Variants in GABRR1 observed in about 807,000 individuals in gnomAD.
The protein encoded by GABRR1 is gamma-aminobutyric acid type A receptor subunit rho1.
Under a neutral mutation model 55.5 loss-of-function variants are expected in GABRR1, and 59 were observed. The observed-to-expected ratio is 1.06, with a 90% confidence interval of 0.86 to 1.32. GABRR1 has a LOEUF of 1.32. Among genes scored for constraint, GABRR1 ranks in the 40% most tolerant of loss-of-function variants. The pLI, the probability that GABRR1 is intolerant of heterozygous loss-of-function variation, is 0.00. For missense variants in GABRR1, 602 were observed against 619.1 expected, an observed-to-expected ratio of 0.97 and a Z score of 0.29; for synonymous variants, 213 against 226.0, an observed-to-expected ratio of 0.94 and a Z score of 0.51.
At chr6:89,181,806 G>T in intron 8 of GABRR1, 99 bp downstream of exon 8, 1 of 1,207,140 alleles carries the variant, frequency 8.3e-7, no homozygotes, top group Non-Finnish European at 1.2e-6. Flanking sequence ...ACGCCAAAAG[G>T]GATACAGAAT....
In GABRR1 at chr6:89,191,615, G is replaced by A. The variant is rs1056391077; in HGVS notation, c.573-1368C>T. Reference sequence around the variant, plus strand: ...TCTCTCCATATAACTTACACATAAAGCAACCATTTGTGATGTAATCAAAGC... The same window carrying A: ...TCTCTCCATATAACTTACACATAAAACAACCATTTGTGATGTAATCAAAGC... On this transcript the variant is annotated intron_variant, in intron 5 of 9. Coordinates refer to ENST00000454853, the MANE Select transcript of GABRR1 (RefSeq NM_002042.5). Among the ~76,000 whole-genome samples the A allele has an allele frequency of 5.9e-5, 9 of 151,692 alleles. No individual in the cohort carries two copies. In the East Asian group the frequency reaches 1.5e-3, roughly 26 times the overall value.
At chr6:89,190,376 G>A (rs1234581907) in intron 5 of GABRR1, 129 bp from the exon 6 acceptor site, 1 of 583,930 alleles carries the variant, frequency 1.7e-6, no homozygotes, top group South Asian at 2.3e-5. Flanking sequence ...TAAGCAATGT[G>A]TCAGGGTTTA....
Position 89,178,875 on chromosome 6 carries a change from A to G in GABRR1, c.1335T>C (p.Tyr445=), listed in dbSNP as rs373658230. Reference sequence around the variant, plus strand: ...CGTGGGTGTCGATTCTCATGCTCACATAGCTGCTTCTCTGACTTTTCCTCT... The same window carrying G: ...CGTGGGTGTCGATTCTCATGCTCACGTAGCTGCTTCTCTGACTTTTCCTCT... ...SPQRKSQRSS[Y]VSMRIDTHAI... Residue 445 remains tyrosine (Y), a synonymous_variant, in exon 10 of 10, where the codon TAT becomes TAC. Coordinates refer to ENST00000454853, the MANE Select transcript of GABRR1 (RefSeq NM_002042.5). The G allele has an allele frequency of 5.6e-6, 9 of 1,614,066 alleles. No homozygotes were observed. In the African/African-American group the frequency reaches 9.3e-5, roughly 17 times the overall value.
intron 1 of GABRR1, among the ~76,000 whole-genome samples, chr6:89,224,803 G>C (rs1168871635): frequency 6.6e-6 from 1 of 151,530 alleles, no homozygotes; most frequent in Admixed American, 6.6e-5. Context: ...TTTTCCCCAA[G>C]ACAGGGTCTT....
Position 89,198,169 on chromosome 6 carries a change from G to C in GABRR1, c.423C>G (p.Leu141=). 3.1e-6 allele frequency: 5 copies of C among 1,614,074 alleles called. No individual in the cohort carries two copies. Among genetic ancestry groups the C allele is most frequent in the Non-Finnish European group, 4.2e-6 (5 of 1,180,000 alleles). The change falls in exon 5 of 10, where the codon CTC becomes CTG. Residue 141 remains leucine (L), a synonymous_variant. Transcript: ENST00000454853. The part of the protein sequence containing the change: ...ERLSFPSTNN[L]SMTFDGRLVK... ...CCAGCCGGCCGTCAAACGTCATGCTGAGGTTGTTGGTGCTTGGAAAAGACA... is the reference window on the plus strand; with the variant it reads ...CCAGCCGGCCGTCAAACGTCATGCTCAGGTTGTTGGTGCTTGGAAAAGACA...
In GABRR1 at chr6:89,199,357, C is replaced by T. The variant is rs1311760452; in HGVS notation, c.348+5G>A. ...TGCCACGGCCCTGGTCAGAGAAGCACTTACCATGTCAACCTCTGAGATGCT... is the reference window on the plus strand; with the variant it reads ...TGCCACGGCCCTGGTCAGAGAAGCATTTACCATGTCAACCTCTGAGATGCT... On this transcript the variant is annotated splice_donor_5th_base_variant and intron_variant, in intron 4 of 9. Coordinates refer to ENST00000454853, the MANE Select transcript of GABRR1 (RefSeq NM_002042.5). 1 of 1,613,624 alleles carries T rather than the reference C, an allele frequency of 6.2e-7. No individual in the cohort carries two copies. Among genetic ancestry groups the T allele is most frequent in the Non-Finnish European group, 8.5e-7 (1 of 1,179,770 alleles).
chr6:89,186,090 T>G (rs1422562975), intron 6 of GABRR1, among the ~76,000 whole-genome samples: 1 of 152,164 alleles, frequency 6.6e-6, no homozygotes, highest in Non-Finnish European at 1.5e-5. Context: ...CAAACCTACC[T>G]CCAGCCTGAG....
intron 1 of GABRR1, among the ~76,000 whole-genome samples, chr6:89,224,568 T>G (rs1385045111): frequency 2.0e-5 from 3 of 152,234 alleles, no homozygotes; most frequent in African/African-American, 7.2e-5. Context: ...ATTCTGGATA[T>G]TAGTCCTTTG....
intron 1 of GABRR1, among the ~76,000 whole-genome samples, chr6:89,226,583 G>A (rs962387202): frequency 1.0e-4 from 15 of 144,060 alleles, no homozygotes; most frequent in Non-Finnish European, 1.2e-4. Flanking sequence ...GTAGGTATGC[G>A]GCGTTATTTC....
Position 89,190,193 on chromosome 6 carries a change from T to C in GABRR1, c.627A>G (p.Thr209=), listed in dbSNP as rs1387907080. The change falls in exon 6 of 10, where the codon ACA becomes ACG. Residue 209 remains threonine, a synonymous_variant. Coordinates refer to ENST00000454853, the MANE Select transcript of GABRR1 (RefSeq NM_002042.5). ...NMDFSRFPLD[T]QTCSLEIESY... ...TTTCAATTTCAAGAGAGCACGTTTGTGTGTCCAAGGGAAATCGGCTGAAGT... is the reference window on the plus strand; with the variant it reads ...TTTCAATTTCAAGAGAGCACGTTTGCGTGTCCAAGGGAAATCGGCTGAAGT... 1.9e-6 allele frequency: 3 copies of C among 1,611,048 alleles called. No homozygotes were observed. The African/African-American group carries it at 4.0e-5, about 22-fold the overall frequency.
upstream of GABRR1, among the ~76,000 whole-genome samples, chr6:89,220,576 G>A (rs766677207): frequency 3.3e-5 from 5 of 152,136 alleles, no homozygotes; most frequent in East Asian, 1.9e-4. Context: ...GCTCTAATGC[G>A]GAGAGTATCT....
chr6:89,196,822 G>GGAAAGAAAGAAAGAAAAA (rs1772292706), intron 5 of GABRR1, among the ~76,000 whole-genome samples: 2 of 91,062 alleles, frequency 2.2e-5, no homozygotes, highest in Admixed American at 2.8e-4. Flanking sequence ...AAGAAAAGAA[G>GGAAAGAAAGAAAGAAAAA]GAAAGAAAGA....
intron 1 of GABRR1, chr6:89,204,744 T>G (rs1349213438): frequency 1.1e-6 from 1 of 906,012 alleles, no homozygotes; most frequent in Non-Finnish European, 1.5e-6. Context: ...TCTTTTTCAT[T>G]ATTAATATTA....
chr6:89,181,891 G>T lies in GABRR1; in HGVS notation c.949+14C>A. 6.2e-7 allele frequency: 1 copy of T among 1,601,722 alleles called. No homozygotes were observed. Among genetic ancestry groups the T allele is most frequent in the Non-Finnish European group, 8.5e-7 (1 of 1,173,862 alleles). On this transcript the variant is annotated intron_variant, in intron 8 of 9. Transcript: ENST00000454853. ...TTGCAGATGCTTGGAATATGCACTT[G>T]AGGTATTCCTTACCTAAGGGGACTC...
rs749813743 is a variant in GABRR1, at chr6:89,178,924, A to C, written c.1286T>G (p.Leu429Arg). The change falls in exon 10 of 10, where the codon CTG becomes CGG. Residue 429 changes from leucine to arginine, a missense_variant. By Grantham distance (102) the Leu-to-Arg change is moderately radical (BLOSUM62 -2). Around this residue, in one of 3 missense-constraint regions of GABRR1, gnomAD observed 139 missense variants for 141.1 expected, o/e 0.99. Transcript: ENST00000454853. The stretch of plus-strand genomic sequence containing the variant: ...CTGTGGGGAGCTCCTCTCTGAGGCC[A>C]GGGTCAGCTGCACCATCATCCTGTC... ...KPDRMMVQLTLASERSSPQRK... is the reference protein window; with the variant it reads ...KPDRMMVQLTRASERSSPQRK... 1.2e-6 allele frequency: 2 copies of C among 1,614,064 alleles called. No homozygotes were observed. The highest frequency in any genetic ancestry group is 2.7e-5 in the African/African-American group (2 of 74,922).
intron 1 of GABRR1, among the ~76,000 whole-genome samples, chr6:89,224,987 C>T (rs543982606): frequency 6.6e-6 from 1 of 152,144 alleles, no homozygotes; most frequent in East Asian, 1.9e-4. Context: ...TTCACCATGT[C>T]GGCCAGGCTA....
In GABRR1 at chr6:89,195,735, A is replaced by C. The variant is rs568139578; in HGVS notation, c.572+2285T>G. 4.6e-5 allele frequency among the ~76,000 whole-genome samples: 7 copies of C among 152,348 alleles called. No individual in the cohort carries two copies. The South Asian group carries it at 1.2e-3, about 27-fold the overall frequency. The stretch of plus-strand genomic sequence containing the variant: ...CCTAAGTATTTCACCACATTTTATT[A>C]TGTATATTCTTGAAGCCATTTACAC... On this transcript the variant is annotated intron_variant, in intron 5 of 9. Transcript: ENST00000454853.
chr6:89,196,108 T>C (rs896104567), intron 5 of GABRR1, among the ~76,000 whole-genome samples: 1 of 152,252 alleles, frequency 6.6e-6, no homozygotes, highest in Non-Finnish European at 1.5e-5. Flanking sequence ...TAGTTTTTCA[T>C]TGTTTCACTT....
At chr6:89,226,505 C>T (rs2127812955) in intron 1 of GABRR1, among the ~76,000 whole-genome samples, 1 of 152,052 alleles carries the variant, frequency 6.6e-6, no homozygotes, top group African/African-American at 2.4e-5. Context: ...TTCCCAGCAC[C>T]ATTTTTTAAA....
Sources: allele counts gnomAD v4.1 joint callset (sites outside exome capture counted in the v4.1 genomes callset), GRCh38; gene constraint gnomAD v4.1.1; regional missense constraint gnomAD v4.1.1; transcripts MANE v1.5; gene names NCBI Gene and HGNC (gene_info 2026-07-23, HGNC 2026-07-21).